MAST4: variants seen among roughly 807,000 people sequenced by gnomAD.
MAST4 encodes the protein microtubule associated serine/threonine kinase family member 4, also known as microtubule-associated serine/threonine-protein kinase 4.
In MAST4, 89 loss-of-function variants were observed where a neutral mutation model predicts 162.7. The observed-to-expected ratio is 0.55, with a 90% confidence interval of 0.46 to 0.65. MAST4 has a LOEUF of 0.65. Ranked by LOEUF, MAST4 falls within the 30% of genes least tolerant of loss-of-function variation. The pLI is 0.00. For synonymous variants in MAST4, 1,479 were observed against 1,361.1 expected, an observed-to-expected ratio of 1.09 and a Z score of -1.91; for missense variants, 3,153 against 3,374.0, an observed-to-expected ratio of 0.93 and a Z score of 1.62.
chr5:67,114,451 C>T, intron 12 of MAST4: 1 of 452,586 alleles, frequency 2.2e-6, no homozygotes, highest in Non-Finnish European at 3.9e-6. Flanking sequence ...GCCTTGACAT[C>T]CTAGAAGCAT....
chr5:66,788,703 A>G lies in MAST4; in HGVS notation c.551A>G (p.Gln184Arg), dbSNP rs1045241885. ...RYLLPNPVAG[Q>R]AWPASAETSN... Reference sequence around the variant, plus strand: ...CTTCTTCCAAACCCGGTGGCGGGACAGGCCTGGCCGGCCTCTGCAGAGACG... The same window carrying G: ...CTTCTTCCAAACCCGGTGGCGGGACGGGCCTGGCCGGCCTCTGCAGAGACG... Residue 184 changes from glutamine (Q) to arginine (R), a missense_variant, in exon 3 of 29, where the codon CAG becomes CGG. Gln to Arg is a conservative substitution (Grantham distance 43, BLOSUM62 1). This residue lies in a region of MAST4 where 327 missense variants were observed against 336.5 expected (regional missense o/e 0.97). Coordinates refer to ENST00000403625, the MANE Select transcript of MAST4 (RefSeq NM_001164664.2). The G allele has an allele frequency of 3.5e-5, 56 of 1,612,796 alleles. No homozygotes were observed. The highest frequency in any genetic ancestry group is 9.4e-5 in the African/African-American group (7 of 74,704).
intron 4 of MAST4, among the ~76,000 whole-genome samples, chr5:66,964,709 G>A (rs570736179): frequency 1.1e-4 from 16 of 152,256 alleles, no homozygotes; most frequent in South Asian, 4.1e-4. Context: ...AGGCTGAGGC[G>A]GGAGAATGGC....
intron 3 of MAST4, among the ~76,000 whole-genome samples, chr5:66,816,107 G>T (rs982284779): frequency 6.6e-6 from 1 of 152,182 alleles, no homozygotes; most frequent in Non-Finnish European, 1.5e-5. Context: ...TTGGTGAAAA[G>T]AGATTAAAAA....
intron 1 of MAST4, among the ~76,000 whole-genome samples, chr5:66,633,765 A>G (rs937219982): frequency 6.6e-6 from 1 of 152,162 alleles, no homozygotes; most frequent in Non-Finnish European, 1.5e-5. Context: ...TATGCCTATC[A>G]TCTTCATTTT....
At chr5:66,669,619 G>T (rs898042767) in intron 1 of MAST4, among the ~76,000 whole-genome samples, 4 of 152,160 alleles carry the variant, frequency 2.6e-5, no homozygotes, top group African/African-American at 9.7e-5. Context: ...TGGGAAGTTG[G>T]ACAGGTGAGG....
At chr5:67,147,788 A>G (rs1158089087) in intron 23 of MAST4, among the ~76,000 whole-genome samples, 1 of 152,222 alleles carries the variant, frequency 6.6e-6, no homozygotes, top group Non-Finnish European at 1.5e-5. Flanking sequence ...AGAGAATGGA[A>G]TATTCTGTTA....
At chr5:66,864,283 C>T (rs940741922) in intron 3 of MAST4, among the ~76,000 whole-genome samples, 1 of 152,230 alleles carries the variant, frequency 6.6e-6, no homozygotes, top group African/African-American at 2.4e-5. Context: ...GAAGCATGGG[C>T]ATTCTTTGCA....
At chr5:66,894,544 A>T (rs1762559742) in intron 3 of MAST4, among the ~76,000 whole-genome samples, 1 of 152,182 alleles carries the variant, frequency 6.6e-6, no homozygotes, top group African/African-American at 2.4e-5. Context: ...TGCCTTACAC[A>T]TCTTGGCTTC....
At chr5:66,988,067 A>G (rs1749707372) in intron 4 of MAST4, among the ~76,000 whole-genome samples, 1 of 152,210 alleles carries the variant, frequency 6.6e-6, no homozygotes, top group African/African-American at 2.4e-5. Flanking sequence ...TTTTCACTTA[A>G]GTTTACCATC....
intron 3 of MAST4, among the ~76,000 whole-genome samples, chr5:66,842,734 A>G (rs1339820981): frequency 6.6e-6 from 1 of 152,140 alleles, no homozygotes; most frequent in Admixed American, 6.6e-5. Flanking sequence ...TATACATTTG[A>G]CCTATTTCAC....
intron 1 of MAST4, among the ~76,000 whole-genome samples, chr5:66,629,625 A>G (rs144977884): frequency 1.3e-5 from 2 of 152,326 alleles, no homozygotes; most frequent in Non-Finnish European, 2.9e-5. Flanking sequence ...TTCCGTTGGT[A>G]TAAATCAAAA....
intron 4 of MAST4, among the ~76,000 whole-genome samples, chr5:67,017,012 G>A (rs533629248): frequency 6.6e-5 from 10 of 152,204 alleles, no homozygotes; most frequent in Admixed American, 2.0e-4. Context: ...GTAATAATTC[G>A]TCTTGAAGGT....
chr5:66,672,443 T>C (rs530778283), intron 1 of MAST4, among the ~76,000 whole-genome samples: 124 of 152,354 alleles, frequency 8.1e-4, no homozygotes, highest in Non-Finnish European at 1.4e-3. Context: ...ACAACCAGTA[T>C]TGTTTCATTT....
At position 66,764,376 on chromosome 5, in the gene MAST4, C is replaced by G. The variant is rs139884851; in HGVS notation, c.517+4514C>G. On this transcript the variant is annotated intron_variant, in intron 2 of 28. Transcript: ENST00000403625. The stretch of plus-strand genomic sequence containing the variant: ...GTCATATCTGCTAATTTTATATTGG[C>G]TAATGCAAACGGCATGGTGAAGCCC... 1.2e-4 allele frequency among the ~76,000 whole-genome samples: 18 copies of G among 152,266 alleles called. No individual in the cohort carries two copies. The East Asian group carries it at 3.5e-3, about 29-fold the overall frequency.
chr5:66,684,941 C>T (rs6449832), intron 1 of MAST4, among the ~76,000 whole-genome samples: 2 of 151,990 alleles, frequency 1.3e-5, no homozygotes, highest in African/African-American at 4.8e-5. Context: ...GAACAAATGG[C>T]TATGGGGTTG....
At chr5:66,684,123 T>A (rs1748492261) in intron 1 of MAST4, among the ~76,000 whole-genome samples, 1 of 152,196 alleles carries the variant, frequency 6.6e-6, no homozygotes, top group African/African-American at 2.4e-5. Flanking sequence ...TAAGGAAGGT[T>A]AGTGGGTTGT....
intron 1 of MAST4, among the ~76,000 whole-genome samples, chr5:66,619,667 G>A (rs1307562898): frequency 2.6e-5 from 4 of 151,556 alleles, no homozygotes; most frequent in Non-Finnish European, 4.4e-5. Flanking sequence ...CCATTCTGGG[G>A]AATATTTTAA....
intron 1 of MAST4, among the ~76,000 whole-genome samples, chr5:66,599,419 C>G (rs1304044373): frequency 6.6e-6 from 1 of 152,284 alleles, no homozygotes; most frequent in Non-Finnish European, 1.5e-5. Context: ...CCACCTTGAC[C>G]AGTTGTGGGA....
rs1441991289 is a variant in MAST4, at chr5:67,006,661, C to A, written c.675-47743C>A. Among the ~76,000 whole-genome samples the A allele has an allele frequency of 2.0e-5, 3 of 152,142 alleles. No homozygotes were observed. In the East Asian group the frequency reaches 5.8e-4, roughly 29 times the overall value. On this transcript the variant is annotated intron_variant, in intron 4 of 28. Transcript: ENST00000403625. ...GTCTGAACCCGTAGAGCAGTTGGAGCCTTTCTTCTTCCTACCTACCTGTTG... is the reference window on the plus strand; with the variant it reads ...GTCTGAACCCGTAGAGCAGTTGGAGACTTTCTTCTTCCTACCTACCTGTTG...
Sources: gnomAD v4.1 joint callset for allele counts (sites outside exome capture counted in the v4.1 genomes callset) on GRCh38, gnomAD v4.1.1 for gene constraint, gnomAD v4.1.1 regional missense constraint, MANE v1.5 for transcripts, NCBI Gene and HGNC (gene_info 2026-07-23, HGNC 2026-07-21) for gene names.